DAB1: variants seen among roughly 807,000 people sequenced by gnomAD.
DAB1 encodes DAB adaptor protein 1, also known as disabled homolog 1.
A neutral mutation model predicts 64.6 loss-of-function variants in DAB1; 15 were observed. The observed-to-expected ratio is 0.23, with a 90% confidence interval of 0.16 to 0.36. The LOEUF is 0.36. Among genes scored for constraint, DAB1 ranks in the 10% least tolerant of loss-of-function variants. The probability of loss-of-function intolerance (pLI) is 1.00; values close to 1 mark genes in which losing one functional copy is unlikely to be tolerated. For missense variants in DAB1, 596 were observed against 706.7 expected, an observed-to-expected ratio of 0.84 and a Z score of 1.78; for synonymous variants, 235 against 251.9, an observed-to-expected ratio of 0.93 and a Z score of 0.64.
At chr1:57,951,317 C>CATATAT (rs150140800) in intron 5 of DAB1, among the ~76,000 whole-genome samples, 2,960 of 69,848 alleles carry the variant, frequency 0.042, 569 homozygotes, top group African/African-American at 0.068. Flanking sequence ...GAGCCTGATT[C>CATATAT]ATATATATAT....
intron 7 of DAB1, among the ~76,000 whole-genome samples, chr1:57,624,493 C>T (rs998000662): frequency 5.9e-5 from 9 of 152,154 alleles, no homozygotes; most frequent in African/African-American, 1.4e-4. Context: ...GTTGCTAAGA[C>T]GGTTATACCC....
chr1:58,220,689 C>A (rs1659113757), intron 4 of DAB1, among the ~76,000 whole-genome samples: 1 of 152,082 alleles, frequency 6.6e-6, no homozygotes, highest in Admixed American at 6.5e-5. Flanking sequence ...CTTTGTCCCA[C>A]TAAACCCATT....
intron 4 of DAB1, among the ~76,000 whole-genome samples, chr1:58,235,609 T>C (rs1659990109): frequency 6.6e-6 from 1 of 152,168 alleles, no homozygotes; most frequent in Admixed American, 6.5e-5. Context: ...TATGGCAAAA[T>C]GATCTCTCTT....
At chr1:57,907,878 C>T (rs980439500) in intron 5 of DAB1, among the ~76,000 whole-genome samples, 8 of 149,432 alleles carry the variant, frequency 5.4e-5, no homozygotes, top group Non-Finnish European at 1.2e-4. Flanking sequence ...TATATATATA[C>T]ACATACACAT....
At chr1:58,314,276 G>C (rs1662500632) in intron 4 of DAB1, among the ~76,000 whole-genome samples, 1 of 152,132 alleles carries the variant, frequency 6.6e-6, no homozygotes, top group Non-Finnish European at 1.5e-5. Context: ...TGTCTGGTCT[G>C]TTCTTGTTCT....
chr1:57,952,272 G>C (rs1645296266), intron 5 of DAB1, among the ~76,000 whole-genome samples: 2 of 152,112 alleles, frequency 1.3e-5, no homozygotes, highest in Non-Finnish European at 2.9e-5. Context: ...GAGTATGATG[G>C]GGAAGAGTCA....
chr1:57,425,842 A>G (rs1224386057), upstream of DAB1, among the ~76,000 whole-genome samples: 1 of 152,156 alleles, frequency 6.6e-6, no homozygotes, highest in African/African-American at 2.4e-5. Flanking sequence ...AGTTCTAGAA[A>G]GTGGGGACAA....
At chr1:58,277,956 C>G (rs1661490429) in intron 4 of DAB1, among the ~76,000 whole-genome samples, 2 of 152,212 alleles carry the variant, frequency 1.3e-5, no homozygotes, top group Non-Finnish European at 2.9e-5. Context: ...GGCTTTTTCA[C>G]AGTGGCTCAG....
At chr1:58,146,749 T>C (rs1337343777) in intron 5 of DAB1, among the ~76,000 whole-genome samples, 2 of 151,882 alleles carry the variant, frequency 1.3e-5, no homozygotes, top group Admixed American at 6.6e-5. Context: ...TAAATTCTAT[T>C]ATTTATAATA....
chr1:57,630,692 G>A (rs903916710), intron 7 of DAB1, among the ~76,000 whole-genome samples: 54 of 152,162 alleles, frequency 3.5e-4, no homozygotes, highest in Non-Finnish European at 7.2e-4. Context: ...CACCCCACGT[G>A]ATGAGGAAGG....
intron 1 of DAB1, among the ~76,000 whole-genome samples, chr1:57,413,711 T>C (rs183631363): frequency 5.5e-4 from 68 of 123,212 alleles, no homozygotes; most frequent in Non-Finnish European, 9.0e-4. Flanking sequence ...GCCACTGCAC[T>C]CCAGCCCAGG....
At chr1:58,052,762 T>A (rs192476822) in intron 5 of DAB1, among the ~76,000 whole-genome samples, 3 of 152,322 alleles carry the variant, frequency 2.0e-5, no homozygotes, top group Admixed American at 1.3e-4. Context: ...GGTCCTCACA[T>A]CCCTTGTAAG....
At chr1:57,482,011 A>C (rs1221391260) in intron 7 of DAB1, among the ~76,000 whole-genome samples, 1 of 152,196 alleles carries the variant, frequency 6.6e-6, no homozygotes, top group Non-Finnish European at 1.5e-5. Flanking sequence ...TAAATTTAAC[A>C]CATGGATTCA....
At chr1:57,569,090 C>G (rs1490640625) in intron 7 of DAB1, among the ~76,000 whole-genome samples, 2 of 150,286 alleles carry the variant, frequency 1.3e-5, no homozygotes, top group African/African-American at 2.4e-5. Context: ...AACCCCGTCT[C>G]TACTAAAAAT....
intron 7 of DAB1, among the ~76,000 whole-genome samples, chr1:57,626,535 G>C (rs554829843): frequency 6.6e-6 from 1 of 152,200 alleles, no homozygotes; most frequent in Non-Finnish European, 1.5e-5. Context: ...AGCCATGGAG[G>C]GGGTGAGTGG....
At chr1:57,175,289 T>G (rs533817633) in intron 2 of DAB1, among the ~76,000 whole-genome samples, 62 of 148,206 alleles carry the variant, frequency 4.2e-4, no homozygotes, top group African/African-American at 1.1e-3. Context: ...AAAGGCAGGG[T>G]TTTTTTTTAT....
At chr1:57,869,821 G>A (rs1482790066) in intron 1 of DAB1, among the ~76,000 whole-genome samples, 1 of 152,106 alleles carries the variant, frequency 6.6e-6, no homozygotes, top group Non-Finnish European at 1.5e-5. Context: ...AAATGCTCTT[G>A]ATTATATTTA....
At chr1:58,081,270 TC>T (rs1331899280) in intron 5 of DAB1, among the ~76,000 whole-genome samples, 2 of 152,222 alleles carry the variant, frequency 1.3e-5, no homozygotes, top group African/African-American at 4.8e-5. Context: ...CCCATGTCAG[TC>T]AAGGTAGGAT....
In DAB1 at chr1:57,023,732, G is replaced by A. The variant is rs889708449; in HGVS notation, c.787-93C>T. 4 of 790,066 alleles carry A rather than the reference G, an allele frequency of 5.1e-6. No homozygotes were observed. The African/African-American group carries it at 5.1e-5, about 10-fold the overall frequency. The allele number at this position is 790,066 out of a possible 1,614,324, so 48.9% of individuals were successfully genotyped here. A position where few individuals can be genotyped will look rare whatever the true frequency, so the allele number is the denominator to read the frequency against. ...CAGATGCAGGAATTAAGGCGCAGGG[G>A]AAGGGGTCCACAGTTCAAGCCACTT... On this transcript the variant is annotated intron_variant, in intron 10 of 14. Transcript: ENST00000371236.
Sources: allele counts gnomAD v4.1 joint callset (sites outside exome capture counted in the v4.1 genomes callset), GRCh38; gene constraint gnomAD v4.1.1; transcripts MANE v1.5; gene names NCBI Gene and HGNC (gene_info 2026-07-23, HGNC 2026-07-21).